SKP2: variants seen among roughly 807,000 people sequenced by gnomAD.
The protein encoded by SKP2 is S-phase kinase-associated protein 2.
A neutral mutation model predicts 51.8 loss-of-function variants in SKP2; 16 were observed. The ratio of observed to expected loss-of-function variants is 0.31; its 90% CI spans 0.21 to 0.47. SKP2 has a LOEUF of 0.47. Among genes scored for constraint, SKP2 ranks in the 20% least tolerant of loss-of-function variants. The pLI is 1.00. For missense variants in SKP2, 377 were observed against 505.3 expected (o/e 0.75, Z 2.43); for synonymous variants, 176 against 198.6 (o/e 0.89, Z 0.96).
downstream of SKP2, among the ~76,000 whole-genome samples, chr5:36,186,005 CTT>C (rs1745951986): frequency 1.3e-5 from 2 of 152,140 alleles, no homozygotes; most frequent in African/African-American, 4.8e-5. Flanking sequence ...ATTTTATTCT[CTT>C]TGAAGCAATT....
intron 2 of SKP2, among the ~76,000 whole-genome samples, chr5:36,160,812 A>T (rs570368125): frequency 6.6e-6 from 1 of 152,166 alleles, no homozygotes; most frequent in Admixed American, 6.5e-5. Flanking sequence ...TGTGGCAGTG[A>T]TGGAACAGCT....
At chr5:36,159,045 T>G (rs183956292) in intron 2 of SKP2, among the ~76,000 whole-genome samples, 1 of 152,324 alleles carries the variant, frequency 6.6e-6, no homozygotes, top group Admixed American at 6.5e-5. Context: ...TGGCAAATAT[T>G]TATAGAGTCC....
In SKP2 at chr5:36,183,040, C is replaced by G. The variant is rs1258480801; in HGVS notation, c.*1009C>G. ...CTCAGCAATAATTGTTTGAAACTAT[C>G]CATATATAAGGTTATCAGACCTACA... is the stretch of plus-strand genomic sequence containing the variant. On this transcript the variant is annotated 3_prime_UTR_variant, in exon 10 of 10. Transcript: ENST00000274255. The G allele has an allele frequency of 2.1e-6, 2 of 955,718 alleles. No homozygotes were observed. The highest frequency in any genetic ancestry group is 3.5e-5 in the African/African-American group (2 of 56,458). 59.2% of individuals were successfully genotyped at this position (955,718 alleles called of 1,614,324 possible). A position where few individuals can be genotyped will look rare whatever the true frequency, so the allele number is the denominator to read the frequency against.
chr5:36,184,051 A>T lies in SKP2; in HGVS notation c.*2020A>T. 1.9e-6 allele frequency: 2 copies of T among 1,050,820 alleles called. No individual in the cohort carries two copies. Among genetic ancestry groups the T allele is most frequent in the South Asian group, 1.5e-5 (1 of 66,322 alleles). The allele number at this position is 1,050,820 out of a possible 1,614,324, so 65.1% of individuals were successfully genotyped here. A position where few individuals can be genotyped will look rare whatever the true frequency, so the allele number is the denominator to read the frequency against. ...AAAATGAGTGCTTAAACTAAGTTGT[A>T]TTCCTTTTTTCTTTCTCTTTTTTTA... On this transcript the variant is annotated 3_prime_UTR_variant, in exon 10 of 10. Coordinates refer to ENST00000274255, the MANE Select transcript of SKP2 (RefSeq NM_005983.4).
intron 3 of SKP2, 87 bp from the exon 4 acceptor site, chr5:36,166,432 C>A: frequency 2.8e-6 from 3 of 1,085,930 alleles, no homozygotes; most frequent in Non-Finnish European, 4.1e-6. Context: ...GATTTAGCAG[C>A]AGTGTCCTAC....
In SKP2 at chr5:36,181,805, T is replaced by C; in HGVS notation, c.1062-13T>C. On this transcript the variant is annotated splice_polypyrimidine_tract_variant and intron_variant, in intron 9 of 9. Transcript: ENST00000274255. Reference sequence around the variant, plus strand: ...GATACTGCTATTCTGAAAGTCTTTTTCTTCCTTTCCAGTGAACTTGGAGAA... The same window carrying C: ...GATACTGCTATTCTGAAAGTCTTTTCCTTCCTTTCCAGTGAACTTGGAGAA... 1 of 1,613,632 alleles carries C rather than the reference T, an allele frequency of 6.2e-7. No individual in the cohort carries two copies. The highest frequency in any genetic ancestry group is 1.7e-5 in the Admixed American group (1 of 59,982).
chr5:36,180,430 C>A (rs1389075912), intron 9 of SKP2: 2 of 331,438 alleles, frequency 6.0e-6, no homozygotes, highest in Admixed American at 4.1e-5. Context: ...ATCTTATTGT[C>A]CCCTTGTGAA....
At chr5:36,153,904 G>A (rs1455219429) in intron 2 of SKP2, among the ~76,000 whole-genome samples, 1 of 152,098 alleles carries the variant, frequency 6.6e-6, no homozygotes, top group African/African-American at 2.4e-5. Context: ...GCATTGACCT[G>A]GGGTTATCAG....
downstream of SKP2, among the ~76,000 whole-genome samples, chr5:36,188,832 C>T (rs1229812663): frequency 6.6e-6 from 1 of 152,174 alleles, no homozygotes; most frequent in East Asian, 1.9e-4. Context: ...TGTTTTCCAA[C>T]TTGGTTCCAT....
chr5:36,154,020 A>G (rs1480090818), intron 2 of SKP2, among the ~76,000 whole-genome samples: 1 of 152,238 alleles, frequency 6.6e-6, no homozygotes, highest in African/African-American at 2.4e-5. Flanking sequence ...AGGAGTGGGC[A>G]CAACAAACAT....
In SKP2 at chr5:36,170,400, T is replaced by G. The variant is rs747831112; in HGVS notation, c.728T>G (p.Phe243Cys). The change falls in exon 6 of 10, where the codon TTC becomes TGC. Residue 243 changes from phenylalanine (F) to cysteine (C), a missense_variant. By Grantham distance (205) the Phe-to-Cys change is radical. Around this residue, in one of 2 missense-constraint regions of SKP2, gnomAD observed 262 missense variants for 389.8 expected, o/e 0.67. Coordinates refer to ENST00000274255, the MANE Select transcript of SKP2 (RefSeq NM_005983.4). Reference protein sequence around the residue: ...VRLNLSGCSGFSEFALQTLLS... With the variant: ...VRLNLSGCSGCSEFALQTLLS... ...CTTAACCTTTCTGGGTGTTCTGGAT[T>G]CTCTGAATTTGCCCTGCAGACTTTG... 3.1e-6 allele frequency: 5 copies of G among 1,613,412 alleles called. No homozygotes were observed. In the South Asian group the frequency reaches 3.3e-5, roughly 11 times the overall value.
In SKP2 at chr5:36,152,980, A is replaced by G; in HGVS notation, c.218A>G (p.Lys73Arg). 3.1e-6 allele frequency: 5 copies of G among 1,614,160 alleles called. No homozygotes were observed. The highest frequency in any genetic ancestry group is 4.2e-6 in the Non-Finnish European group (5 of 1,180,034). ...CCCCCACGGAAACGGCTGAAGAGCAAAGGGAGTGACAAAGACTTTGTGATT... is the reference window on the plus strand; with the variant it reads ...CCCCCACGGAAACGGCTGAAGAGCAGAGGGAGTGACAAAGACTTTGTGATT... ...ESPPRKRLKSKGSDKDFVIVR... is the reference protein window; with the variant it reads ...ESPPRKRLKSRGSDKDFVIVR... Residue 73 changes from lysine to arginine, a missense_variant, in exon 2 of 10, where the codon AAA becomes AGA. Physicochemically the swap from Lys to Arg is conservative, Grantham distance 26. This residue lies in a region of SKP2 where 115 missense variants were observed against 115.5 expected (regional missense o/e 1.00). Coordinates refer to ENST00000274255, the MANE Select transcript of SKP2 (RefSeq NM_005983.4).
At chr5:36,161,894 C>T (rs1163646373) in intron 2 of SKP2, among the ~76,000 whole-genome samples, 2 of 152,198 alleles carry the variant, frequency 1.3e-5, no homozygotes, top group Non-Finnish European at 1.5e-5. Flanking sequence ...GGAAGGCAAT[C>T]ATTGAACTCA....
In SKP2 at chr5:36,152,674, T is replaced by C. The variant is rs377237406; in HGVS notation, c.9-97T>C. 110 of 1,308,016 alleles carry C rather than the reference T, an allele frequency of 8.4e-5. No homozygotes were observed. The African/African-American group carries it at 1.4e-3, about 17-fold the overall frequency. 81.0% of individuals were successfully genotyped at this position (1,308,016 alleles called of 1,614,324 possible). A position where few individuals can be genotyped will look rare whatever the true frequency, so the allele number is the denominator to read the frequency against. On this transcript the variant is annotated intron_variant, in intron 1 of 9. Coordinates refer to ENST00000274255, the MANE Select transcript of SKP2 (RefSeq NM_005983.4). ...GCGATTCTGTTAGCTGCTGTGAAGGTTTCCTACAATGCATAAACTGCAGCT... is the reference window on the plus strand; with the variant it reads ...GCGATTCTGTTAGCTGCTGTGAAGGCTTCCTACAATGCATAAACTGCAGCT...
At chr5:36,187,151 G>T (rs926823194), downstream of SKP2, among the ~76,000 whole-genome samples, 12 of 152,034 alleles carry the variant, frequency 7.9e-5, no homozygotes, top group Admixed American at 7.9e-4. Context: ...CTTGCTAGCG[G>T]TCTATCAATT....
At chr5:36,152,363 T>G in intron 1 of SKP2, 93 bp downstream of exon 1, 1 of 1,199,830 alleles carries the variant, frequency 8.3e-7, no homozygotes, top group Non-Finnish European at 1.2e-6. Context: ...ATATTGTTAG[T>G]AATGCTGTTA....
At chr5:36,193,264 C>A (rs1746085953) in intron 7 of SKP2, 1 of 151,978 alleles carries the variant, frequency 6.6e-6, no homozygotes, top group African/African-American at 2.4e-5. Context: ...ATCACAAGGT[C>A]AGGAGTTCGA....
At chr5:36,169,849 C>G (rs1009494257) in intron 5 of SKP2, among the ~76,000 whole-genome samples, 2 of 152,088 alleles carry the variant, frequency 1.3e-5, no homozygotes, top group Non-Finnish European at 2.9e-5. Context: ...ACATGTGAAC[C>G]TAGTGATACA....
At chr5:36,193,245 G>A (rs1376921281) in intron 7 of SKP2, 3 of 152,058 alleles carry the variant, frequency 2.0e-5, no homozygotes, top group Non-Finnish European at 4.4e-5. Context: ...GGGAGGCCGA[G>A]GCAGGCAGAT....
Sources: allele counts gnomAD v4.1 joint callset (sites outside exome capture counted in the v4.1 genomes callset), GRCh38; gene constraint gnomAD v4.1.1; regional missense constraint gnomAD v4.1.1; transcripts MANE v1.5; gene names NCBI Gene and HGNC (gene_info 2026-07-23, HGNC 2026-07-21).